Variants in EXOC6B observed in about 807,000 individuals in gnomAD.
The protein encoded by EXOC6B is exocyst complex component 6B, also known as SEC15 homolog B.
EXOC6B carries 54 observed loss-of-function variants against 113.5 expected under a neutral mutation model. The observed-to-expected ratio is 0.48, with a 90% CI of 0.38 to 0.60. The LOEUF is 0.60. EXOC6B is among the 20% of genes least tolerant of loss of function. The pLI is 0.00. For missense variants in EXOC6B, 797 were observed against 977.5 expected (o/e 0.82, Z 2.46); for synonymous variants, 357 against 339.0 (o/e 1.05, Z -0.58).
At chr2:72,235,169 T>G (rs931725534) in intron 20 of EXOC6B, among the ~76,000 whole-genome samples, 1 of 152,130 alleles carries the variant, frequency 6.6e-6, no homozygotes, top group African/African-American at 2.4e-5. Flanking sequence ...AACAGTAGAC[T>G]GGATAAAGAA....
In EXOC6B at chr2:72,640,230, T is replaced by G. The variant is rs111282667; in HGVS notation, c.670-64562A>C. 1.6e-4 allele frequency among the ~76,000 whole-genome samples: 25 copies of G among 152,152 alleles called. 2 individuals are homozygous for G. Among genetic ancestry groups the G allele is most frequent in the African/African-American group, 5.1e-4 (21 of 41,498 alleles). On this transcript the variant is annotated intron_variant, in intron 6 of 21. Coordinates refer to ENST00000272427, the MANE Select transcript of EXOC6B (RefSeq NM_015189.3). ...TAAGAATTTCACAATGCAATCACAA[T>G]TATTAATATCAAAATGAACTAAGCA...
chr2:72,784,569 A>C (rs1684261235), intron 1 of EXOC6B, among the ~76,000 whole-genome samples: 1 of 151,956 alleles, frequency 6.6e-6, no homozygotes, highest in Admixed American at 6.6e-5. Context: ...GGCACTTCTT[A>C]TATGGTGGCG....
intron 20 of EXOC6B, among the ~76,000 whole-genome samples, chr2:72,206,269 T>C (rs1399917222): frequency 1.3e-5 from 2 of 152,230 alleles, no homozygotes; most frequent in African/African-American, 4.8e-5. Context: ...TCTGATTCAA[T>C]GCATCTTTAA....
chr2:72,512,014 T>C (rs1338823428), intron 11 of EXOC6B, among the ~76,000 whole-genome samples: 1 of 152,136 alleles, frequency 6.6e-6, no homozygotes, highest in African/African-American at 2.4e-5. Flanking sequence ...CACTTTGAGA[T>C]AAGAGCCCTT....
Position 72,536,624 on chromosome 2 carries a change from G to A in EXOC6B, c.916-21498C>T, listed in dbSNP as rs560480540. 3.9e-5 allele frequency among the ~76,000 whole-genome samples: 6 copies of A among 152,072 alleles called. No homozygotes were observed. In the South Asian group the frequency reaches 1.2e-3, roughly 32 times the overall value. Reference sequence around the variant, plus strand: ...CCTCAATTAATTGCCTCTCCTCTTGGCTACCAGAAAAAATAAGTACCAAAA... The same window carrying A: ...CCTCAATTAATTGCCTCTCCTCTTGACTACCAGAAAAAATAAGTACCAAAA... On this transcript the variant is annotated intron_variant, in intron 8 of 21. Coordinates refer to ENST00000272427, the MANE Select transcript of EXOC6B (RefSeq NM_015189.3).
chr2:72,502,195 C>A (rs1400581), intron 11 of EXOC6B, among the ~76,000 whole-genome samples: 93,175 of 152,192 alleles, frequency 0.61, 34,760 homozygotes, highest in East Asian at 0.99. Context: ...AATCCTATCT[C>A]ATCTGATATT....
At chr2:72,425,806 C>T (rs1695168533) in intron 18 of EXOC6B, among the ~76,000 whole-genome samples, 1 of 152,106 alleles carries the variant, frequency 6.6e-6, no homozygotes, top group Non-Finnish European at 1.5e-5. Context: ...ATCATAAAAG[C>T]TATAATTTCT....
chr2:72,657,129 G>A (rs1425291663), intron 6 of EXOC6B, among the ~76,000 whole-genome samples: 1 of 152,002 alleles, frequency 6.6e-6, no homozygotes, highest in Non-Finnish European at 1.5e-5. Context: ...GGGATTACAG[G>A]TGTGAGCCAC....
At chr2:72,254,828 G>C (rs1429241447) in intron 20 of EXOC6B, among the ~76,000 whole-genome samples, 1 of 152,184 alleles carries the variant, frequency 6.6e-6, no homozygotes, top group African/African-American at 2.4e-5. Context: ...TGTAAGCAAT[G>C]AATTTGTATA....
At position 72,247,070 on chromosome 2, in the gene EXOC6B, G is replaced by T. The variant is rs147617252; in HGVS notation, c.2197-62883C>A. 3.3e-3 allele frequency among the ~76,000 whole-genome samples: 495 copies of T among 152,212 alleles called. 2 individuals are homozygous for T. Among genetic ancestry groups the T allele is most frequent in the African/African-American group, 0.011 (468 of 41,524 alleles). On this transcript the variant is annotated intron_variant, in intron 20 of 21. Coordinates refer to ENST00000272427, the MANE Select transcript of EXOC6B (RefSeq NM_015189.3). Reference sequence around the variant, plus strand: ...ACCAAACACACTTTTCTAGAAGAGGGTAACAAAATCTGCTACCTAGAAATG... The same window carrying T: ...ACCAAACACACTTTTCTAGAAGAGGTTAACAAAATCTGCTACCTAGAAATG...
intron 11 of EXOC6B, among the ~76,000 whole-genome samples, chr2:72,504,603 T>C (rs1466646142): frequency 1.3e-5 from 2 of 152,222 alleles, no homozygotes; most frequent in Non-Finnish European, 2.9e-5. Flanking sequence ...GCTGGAAAGA[T>C]ATTCTTGCAT....
intron 20 of EXOC6B, among the ~76,000 whole-genome samples, chr2:72,244,935 C>T (rs571874835): frequency 2.0e-5 from 3 of 152,112 alleles, no homozygotes; most frequent in Admixed American, 6.5e-5. Flanking sequence ...ATTAACAAAA[C>T]GTACAGATTT....
At chr2:72,427,270 C>A (rs1695251461) in intron 18 of EXOC6B, among the ~76,000 whole-genome samples, 1 of 152,190 alleles carries the variant, frequency 6.6e-6, no homozygotes, top group Non-Finnish European at 1.5e-5. Context: ...AGCCCCCACC[C>A]CAGGCTGAAA....
chr2:72,709,696 T>TA (rs1449448660), intron 6 of EXOC6B, among the ~76,000 whole-genome samples: 32 of 152,166 alleles, frequency 2.1e-4, no homozygotes, highest in Non-Finnish European at 1.6e-4. Flanking sequence ...TTCTTTTTTC[T>TA]AATCTTTGTT....
intron 20 of EXOC6B, among the ~76,000 whole-genome samples, chr2:72,189,860 C>CTTTCTTTTTTTTTTTTTTT (rs1553462592): frequency 2.3e-5 from 2 of 87,212 alleles, no homozygotes; most frequent in African/African-American, 1.3e-4. Flanking sequence ...CCTTCTTCTT[C>CTTTCTTTTTTTTTTTTTTT]TTTTTTTTTT....
chr2:72,419,413 G>A (rs1435674197), intron 18 of EXOC6B, among the ~76,000 whole-genome samples: 1 of 152,124 alleles, frequency 6.6e-6, no homozygotes, highest in East Asian at 1.9e-4. Flanking sequence ...TTCTTAATGA[G>A]GCTTCAAGTT....
At chr2:72,819,985 C>T (rs1236220003) in intron 1 of EXOC6B, among the ~76,000 whole-genome samples, 1 of 151,840 alleles carries the variant, frequency 6.6e-6, no homozygotes, top group Admixed American at 6.6e-5. Flanking sequence ...TGTCACGAAC[C>T]AAGGATTATG....
At chr2:72,810,038 A>T (rs1481852650) in intron 1 of EXOC6B, among the ~76,000 whole-genome samples, 1 of 152,198 alleles carries the variant, frequency 6.6e-6, no homozygotes, top group Admixed American at 6.5e-5. Flanking sequence ...CTGAAATCAT[A>T]TACAGTATGT....
At chr2:72,418,152 A>T (rs1694646896) in intron 18 of EXOC6B, among the ~76,000 whole-genome samples, 6 of 152,144 alleles carry the variant, frequency 3.9e-5, no homozygotes, top group Admixed American at 3.9e-4. Context: ...TGTATCCATA[A>T]ATTATTACTC....
Sources: allele counts gnomAD v4.1 joint callset (sites outside exome capture counted in the v4.1 genomes callset), GRCh38; gene constraint gnomAD v4.1.1; transcripts MANE v1.5; gene names NCBI Gene and HGNC (gene_info 2026-07-23, HGNC 2026-07-21).